Variants in SERGEF observed in about 807,000 individuals in gnomAD.
The protein encoded by SERGEF is secretion-regulating guanine nucleotide exchange factor.
Under a neutral mutation model 50.0 loss-of-function variants are expected in SERGEF, and 51 were observed. The ratio of observed to expected loss-of-function variants is 1.02; its 90% CI spans 0.81 to 1.29. The LOEUF (loss-of-function observed/expected upper bound fraction) is 1.29. SERGEF is among the 50% of genes most tolerant of loss of function. The pLI is 0.00. For missense variants in SERGEF, 521 were observed against 557.0 expected, an observed-to-expected ratio of 0.94 and a Z score of 0.65; for synonymous variants, 205 against 212.4, an observed-to-expected ratio of 0.97 and a Z score of 0.30.
intron 4 of SERGEF, 48 bp downstream of exon 4, chr11:18,004,393 G>T: frequency 1.4e-6 from 2 of 1,387,210 alleles, no homozygotes; most frequent in Non-Finnish European, 1.0e-6. Context: ...TAATACCTTG[G>T]AAACACTTTA....
intron 8 of SERGEF, among the ~76,000 whole-genome samples, chr11:17,984,676 G>T (rs1382535224): frequency 2.0e-5 from 3 of 152,194 alleles, no homozygotes; most frequent in Non-Finnish European, 4.4e-5. Context: ...AACTAGGGTG[G>T]TGACAATGGA....
At chr11:17,973,396 A>G (rs930695061) in intron 8 of SERGEF, among the ~76,000 whole-genome samples, 2 of 152,168 alleles carry the variant, frequency 1.3e-5, no homozygotes, top group African/African-American at 4.8e-5. Context: ...ACCCCAAGAC[A>G]TCCCACAACC....
chr11:17,839,701 C>T (rs375130847), intron 10 of SERGEF, among the ~76,000 whole-genome samples: 144 of 152,302 alleles, frequency 9.5e-4, no homozygotes, highest in East Asian at 4.6e-3. Flanking sequence ...ACCATCCACG[C>T]GCACATGCCA....
At chr11:17,952,896 C>T (rs1381916324) in intron 9 of SERGEF, among the ~76,000 whole-genome samples, 1 of 152,152 alleles carries the variant, frequency 6.6e-6, no homozygotes, top group African/African-American at 2.4e-5. Flanking sequence ...TACCTGGCTT[C>T]CCTTCTCCCT....
chr11:17,927,833 T>G (rs756110726), intron 9 of SERGEF, among the ~76,000 whole-genome samples: 7 of 152,192 alleles, frequency 4.6e-5, no homozygotes, highest in Non-Finnish European at 8.8e-5. Context: ...TGAGAAACAC[T>G]GTTGTGCAGC....
At chr11:18,003,376 A>T (rs987195370) in intron 4 of SERGEF, among the ~76,000 whole-genome samples, 1 of 152,264 alleles carries the variant, frequency 6.6e-6, no homozygotes, top group Non-Finnish European at 1.5e-5. Flanking sequence ...TAGAGCCAAG[A>T]GTCCTGTTTA....
intron 10 of SERGEF, chr11:17,856,834 T>C (rs1416573885): frequency 1.3e-5 from 2 of 152,196 alleles, no homozygotes; most frequent in African/African-American, 4.8e-5. Context: ...GGACTCTTCT[T>C]CCCCCTTAAC....
intron 10 of SERGEF, among the ~76,000 whole-genome samples, chr11:17,843,667 C>T (rs1274755979): frequency 2.6e-5 from 4 of 152,200 alleles, no homozygotes; most frequent in Non-Finnish European, 2.9e-5. Context: ...AGAGCCCATT[C>T]ATTCCCTCCT....
At position 17,896,850 on chromosome 11, in the gene SERGEF, GGGTAAGGGAAGGGAAGGGAA is replaced by G. The variant is rs1157271003; in HGVS notation, c.1012-18626_1012-18607del. On this transcript the variant is annotated intron_variant, in intron 9 of 10. Transcript: ENST00000265965. ...GTAACGGAAGGGTAAGGGAAGGGAA[GGGTAAGGGAAGGGAAGGGAA>G]GGGAAGGGAAGGGAAGGGAAGGGAA... is the stretch of plus-strand genomic sequence containing the variant. Among the ~76,000 whole-genome samples the G allele has an allele frequency of 6.4e-4, 43 of 67,636 alleles. 1 individual carries two copies. Among genetic ancestry groups the G allele is most frequent in the African/African-American group, 2.8e-3 (43 of 15,580 alleles). 44.4% of individuals were successfully genotyped at this position (67,636 alleles called of 152,430 possible). A position where few individuals can be genotyped will look rare whatever the true frequency, so the allele number is the denominator to read the frequency against.
chr11:17,951,099 A>G (rs1298258237), intron 9 of SERGEF, among the ~76,000 whole-genome samples: 4 of 152,212 alleles, frequency 2.6e-5, no homozygotes, highest in Non-Finnish European at 5.9e-5. Flanking sequence ...AGTTCTAAGA[A>G]GTGTTTACAA....
At chr11:17,841,893 C>T (rs927898932) in intron 10 of SERGEF, among the ~76,000 whole-genome samples, 1 of 152,222 alleles carries the variant, frequency 6.6e-6, no homozygotes, top group African/African-American at 2.4e-5. Flanking sequence ...ACCCTACCCA[C>T]TCCTTTCATC....
At chr11:17,933,627 A>T (rs2133949655) in intron 9 of SERGEF, among the ~76,000 whole-genome samples, 1 of 152,254 alleles carries the variant, frequency 6.6e-6, no homozygotes, top group East Asian at 1.9e-4. Context: ...AGTTGTTACT[A>T]TGAGACAGTA....
At chr11:17,887,035 T>C (rs530957040) in intron 9 of SERGEF, among the ~76,000 whole-genome samples, 2 of 151,684 alleles carry the variant, frequency 1.3e-5, no homozygotes, top group South Asian at 2.1e-4. Flanking sequence ...CTGGAAGAAA[T>C]AGACACAAGG....
At chr11:17,818,975 C>T (rs1850026829) in intron 10 of SERGEF, among the ~76,000 whole-genome samples, 1 of 152,214 alleles carries the variant, frequency 6.6e-6, no homozygotes, top group Non-Finnish European at 1.5e-5. Flanking sequence ...AGTATCACCT[C>T]CTCCTTCCCA....
At chr11:17,828,596 C>T (rs534178614) in intron 10 of SERGEF, among the ~76,000 whole-genome samples, 76 of 152,252 alleles carry the variant, frequency 5.0e-4, no homozygotes, top group Non-Finnish European at 9.4e-4. Context: ...TTGGGAAAAC[C>T]GCTTTTACTC....
chr11:17,840,869 T>C (rs1431307665), intron 10 of SERGEF, among the ~76,000 whole-genome samples: 1 of 152,198 alleles, frequency 6.6e-6, no homozygotes. Context: ...TGACATTGTG[T>C]CTACCATATA....
rs1408639448 is a variant in SERGEF, at chr11:17,788,237, C to G, written c.1225G>C (p.Val409Leu). ...LCQLPAHPAL[V>L]QDPKVTYLSP... ...AGGTAGGTGACCTTGGGGTCCTGGACCAATGCAGGGTGAGCTGGCAGCTGG... is the reference window on the plus strand; with the variant it reads ...AGGTAGGTGACCTTGGGGTCCTGGAGCAATGCAGGGTGAGCTGGCAGCTGG... Residue 409 changes from valine (V) to leucine (L), a missense_variant, in exon 11 of 11, where the codon GTC becomes CTC. Physicochemically the swap from Val to Leu is conservative, Grantham distance 32. Coordinates refer to ENST00000265965, the MANE Select transcript of SERGEF (RefSeq NM_012139.4). 2.5e-6 allele frequency: 4 copies of G among 1,613,776 alleles called. No homozygotes were observed. Among genetic ancestry groups the G allele is most frequent in the Non-Finnish European group, 3.4e-6 (4 of 1,179,868 alleles).
At chr11:17,997,692 T>C (rs1286842962) in intron 5 of SERGEF, among the ~76,000 whole-genome samples, 1 of 152,246 alleles carries the variant, frequency 6.6e-6, no homozygotes, top group African/African-American at 2.4e-5. Context: ...TATTATCCAC[T>C]TTAAAAAGTA....
At chr11:17,862,736 T>TA (rs1850948566) in intron 10 of SERGEF, among the ~76,000 whole-genome samples, 1 of 152,168 alleles carries the variant, frequency 6.6e-6, no homozygotes, top group African/African-American at 2.4e-5. Context: ...GTTTTGCAGA[T>TA]ACGATGGTGC....
Sources: allele counts gnomAD v4.1 joint callset (sites outside exome capture counted in the v4.1 genomes callset), GRCh38; gene constraint gnomAD v4.1.1; transcripts MANE v1.5; gene names NCBI Gene and HGNC (gene_info 2026-07-23, HGNC 2026-07-21).